BRCA2: variants seen among roughly 807,000 people sequenced by gnomAD.
BRCA2 encodes the protein BRCA2 DNA repair associated.
In BRCA2, 203 loss-of-function variants were observed where a neutral mutation model predicts 276.7. That is an observed-to-expected ratio of 0.73 (90% CI 0.65 to 0.82). The LOEUF is 0.82. Ranked by LOEUF, BRCA2 falls within the 40% of genes least tolerant of loss-of-function variation. The pLI, the probability that BRCA2 is intolerant of heterozygous loss-of-function variation, is 0.00. For synonymous variants in BRCA2, 1,289 were observed against 1,338.4 expected, an observed-to-expected ratio of 0.96 and a Z score of 0.81; for missense variants, 3,920 against 3,915.0, an observed-to-expected ratio of 1.00 and a Z score of -0.03.
rs1289414853 is a variant in BRCA2, at chr13:32,363,252, A to G, written c.8050A>G (p.Lys2684Glu). The change falls in exon 18 of 27, where the codon AAA (lysine) becomes GAA (glutamate). Residue 2684 changes from lysine (K) to glutamate (E), a missense_variant. Physicochemically the swap from Lys to Glu is moderately conservative, Grantham distance 56. This residue lies in a region of BRCA2 where 3,263 missense variants were observed against 3,156.9 expected (regional missense o/e 1.03). Transcript: ENST00000380152. ...AATGGAAAGGGATGACACAGCTGCA[A>G]AAACACTTGTTCTCTGTGTTTCTGA... ...KIMERDDTAA[K>E]TLVLCVSDII... 1.9e-6 allele frequency: 3 copies of G among 1,613,994 alleles called. No homozygotes were observed. The highest frequency in any genetic ancestry group is 1.7e-5 in the Admixed American group (1 of 59,994).
Position 32,337,507 on chromosome 13 carries a change from T to C in BRCA2, c.3152T>C (p.Leu1051Ser), listed in dbSNP as rs778281493. 4 of 1,607,532 alleles carry C rather than the reference T, an allele frequency of 2.5e-6. No individual in the cohort carries two copies. Among genetic ancestry groups the C allele is most frequent in the Non-Finnish European group, 2.5e-6 (3 of 1,176,894 alleles). ...SLACVEIVNT[L>S]ALDNQKKLSK... ...GCTTGTGTTGAAATTGTAAATACCT[T>C]GGCATTAGATAATCAAAAGAAACTG... Residue 1051 changes from leucine (L) to serine (S), a missense_variant, in exon 11 of 27, where the codon TTG becomes TCG. Around this residue, in one of 2 missense-constraint regions of BRCA2, gnomAD observed 3,263 missense variants for 3,156.9 expected, o/e 1.03. Transcript: ENST00000380152.
Position 32,340,231 on chromosome 13 carries a change from A to C in BRCA2, c.5876A>C (p.Lys1959Thr). 1 of 1,613,996 alleles carries C rather than the reference A, an allele frequency of 6.2e-7. No homozygotes were observed. Among genetic ancestry groups the C allele is most frequent in the Non-Finnish European group, 8.5e-7 (1 of 1,179,910 alleles). The part of the protein sequence containing the change: ...DVSLETSDIC[K>T]CSIGKLHKSV... ...AGTTTGGAAACTTCAGATATATGTA[A>C]ATGTAGTATAGGGAAGCTTCATAAG... The change falls in exon 11 of 27, where the codon AAA becomes ACA. Residue 1959 changes from lysine (K) to threonine (T), a missense_variant. Lys to Thr is a moderately conservative substitution (Grantham distance 78). Around this residue, in one of 2 missense-constraint regions of BRCA2, gnomAD observed 3,263 missense variants for 3,156.9 expected, o/e 1.03. Transcript: ENST00000380152.
rs398122795 is a variant in BRCA2 at position 32,326,487 on chromosome 13, C to A, written c.517-12C>A. On this transcript the variant is annotated splice_polypyrimidine_tract_variant and intron_variant, in intron 6 of 26. Transcript: ENST00000380152. ...ATTTCTATAAAAAATAAACTATTTT[C>A]TTTCCTCCCAGGGTCGTCAGACACC... 4 of 1,575,734 alleles carry A rather than the reference C, an allele frequency of 2.5e-6. No homozygotes were observed. The East Asian group carries it at 9.0e-5, about 35-fold the overall frequency.
intron 25 of BRCA2, 22 bp downstream of exon 25, chr13:32,394,955 A>G (rs376032606): frequency 7.4e-6 from 12 of 1,613,452 alleles, no homozygotes; most frequent in Non-Finnish European, 1.0e-5. Context: ...TTTCAGCATC[A>G]CCACACATTT....
rs80359122 is a variant in BRCA2 at position 32,376,684 on chromosome 13, C to T, written c.8647C>T (p.Pro2883Ser). The T allele has an allele frequency of 6.2e-6, 10 of 1,613,894 alleles. No individual in the cohort carries two copies. Among genetic ancestry groups the T allele is most frequent in the African/African-American group, 2.7e-5 (2 of 74,878 alleles). ...FEEHEENTTK[P>S]YLPSRALTRQ... is the part of the protein sequence containing the mutation. Reference sequence around the variant, plus strand: ...TGTTTTCTTAGAAAACACAACAAAACCATATTTACCATCACGTGCACTAAC... The same window carrying T: ...TGTTTTCTTAGAAAACACAACAAAATCATATTTACCATCACGTGCACTAAC... Residue 2883 changes from proline to serine, a missense_variant, in exon 21 of 27, where the codon CCA becomes TCA. Transcript: ENST00000380152.
At position 32,340,032 on chromosome 13, in the gene BRCA2, T is replaced by G. The variant is rs786203261; in HGVS notation, c.5677T>G (p.Cys1893Gly). 6.8e-6 allele frequency: 11 copies of G among 1,613,582 alleles called. No individual in the cohort carries two copies. The highest frequency in any genetic ancestry group is 9.3e-6 in the Non-Finnish European group (11 of 1,179,834). Residue 1893 changes from cysteine (C) to glycine (G), a missense_variant, in exon 11 of 27, where the codon TGT (cysteine) becomes GGT (glycine). This residue lies in a region of BRCA2 where 3,263 missense variants were observed against 3,156.9 expected (regional missense o/e 1.03). Transcript: ENST00000380152. ...TTGCCAAACGAAAATTATGGCAGGT[T>G]GTTACGAGGCATTGGATGATTCAGA... ...KICQTKIMAGCYEALDDSEDI... is the reference protein window; with the variant it reads ...KICQTKIMAGGYEALDDSEDI...
In BRCA2 at chr13:32,338,517, AC is replaced by A; in HGVS notation, c.4163del (p.Thr1388IlefsTer22). The A allele has an allele frequency of 3.7e-6, 6 of 1,603,908 alleles. No individual in the cohort carries two copies. Among genetic ancestry groups the A allele is most frequent in the Non-Finnish European group, 3.4e-6 (4 of 1,177,300 alleles). On this transcript the variant is annotated frameshift_variant, in exon 11 of 27. Transcript: ENST00000380152. LOFTEE classifies it high-confidence loss of function. ...TQIKEDLSDLTFLEVAKAQEA... is the reference protein window; with the variant it reads ...TQIKEDLSDLXFLEVAKAQEA... ...GATTAAAGAAGATTTGTCAGATTTA[AC>A]TTTTTTGGAAGTTGCGAAAGCTCAA...
chr13:32,377,919 A>G (rs755754384), intron 21 of BRCA2, among the ~76,000 whole-genome samples: 16 of 152,204 alleles, frequency 1.1e-4, no homozygotes, highest in Non-Finnish European at 2.4e-4. Context: ...ACAATATTTC[A>G]TCAGTAATGT....
At chr13:32,363,611 A>G (rs2072762173) in intron 18 of BRCA2, 78 bp downstream of exon 18, 2 of 1,288,490 alleles carry the variant, frequency 1.6e-6, no homozygotes, top group Non-Finnish European at 2.2e-6. Flanking sequence ...TAAATTTTAA[A>G]TGCTTACTAA....
chr13:32,354,773 A>T (rs912492543), intron 13 of BRCA2, 88 bp from the exon 14 acceptor site: 3 of 918,264 alleles, frequency 3.3e-6, no homozygotes, highest in Non-Finnish European at 5.3e-6. Flanking sequence ...ATCACCATGT[A>T]GCAAATGAGG....
intron 8 of BRCA2, among the ~76,000 whole-genome samples, chr13:32,330,355 A>T (rs1001005352): frequency 4.6e-5 from 7 of 152,218 alleles, no homozygotes; most frequent in Admixed American, 4.6e-4. Context: ...CTTACCATAG[A>T]TGTCGCAGTA....
At position 32,370,448 on chromosome 13, in the gene BRCA2, G is replaced by A. The variant is rs80359083; in HGVS notation, c.8378G>A (p.Gly2793Glu). The A allele has an allele frequency of 6.2e-7, 1 of 1,613,910 alleles. No individual in the cohort carries two copies. The change falls in exon 19 of 27, where the codon GGA becomes GAA. Residue 2793 changes from glycine (G) to glutamate (E), a missense_variant. By Grantham distance (98) the Gly-to-Glu change is moderately conservative. This residue lies in a region of BRCA2 where 657 missense variants were observed against 758.2 expected (regional missense o/e 0.87). Coordinates refer to ENST00000380152, the MANE Select transcript of BRCA2 (RefSeq NM_000059.4). ...CCTGCTCGCTGGTATACCAAACTTGGATTCTTTCCTGACCCTAGACCTTTT... is the reference window on the plus strand; with the variant it reads ...CCTGCTCGCTGGTATACCAAACTTGAATTCTTTCCTGACCCTAGACCTTTT... ...TRPARWYTKL[G>E]FFPDPRPFPL...
intron 9 of BRCA2, 116 bp downstream of exon 9, chr13:32,331,146 C>T: frequency 1.4e-6 from 1 of 734,976 alleles, no homozygotes. Context: ...GCAACCTCTG[C>T]CTCCCGTGCT....
intron 20 of BRCA2, 150 bp downstream of exon 20, chr13:32,371,250 G>T: frequency 7.4e-6 from 6 of 815,048 alleles, no homozygotes; most frequent in Non-Finnish European, 1.1e-5. Context: ...TTCTTTTTTG[G>T]TGTTAGACAA....
At chr13:32,390,071 C>G (rs942038774) in intron 24 of BRCA2, among the ~76,000 whole-genome samples, 2 of 152,074 alleles carry the variant, frequency 1.3e-5, no homozygotes, top group Non-Finnish European at 2.9e-5. Context: ...GTGAATGTTT[C>G]CTTTTTAAAA....
rs1386205822 is a variant in BRCA2, at chr13:32,333,237, A to G, written c.1759A>G (p.Thr587Ala). The stretch of plus-strand genomic sequence containing the variant: ...TTTAATATCCACTTTGAAAAAGAAA[A>G]CAAATAAGTTTATTTATGCTATACA... ...AGLISTLKKK[T>A]NKFIYAIHDE... Residue 587 changes from threonine (T) to alanine (A), a missense_variant, in exon 10 of 27, where the codon ACA (threonine) becomes GCA (alanine). Transcript: ENST00000380152. The G allele has an allele frequency of 1.9e-6, 3 of 1,612,768 alleles. No individual in the cohort carries two copies. Among genetic ancestry groups the G allele is most frequent in the East Asian group, 2.2e-5 (1 of 44,864 alleles).
chr13:32,326,041 T>A, intron 4 of BRCA2, 60 bp from the exon 5 acceptor site: 1 of 1,407,778 alleles, frequency 7.1e-7, no homozygotes, highest in South Asian at 1.2e-5. Context: ...AAAAATAAGA[T>A]AAACTAGTTT....
Position 32,336,324 on chromosome 13 carries a change from T to C in BRCA2, c.1969T>C (p.Leu657=), listed in dbSNP as rs2137482255. The C allele has an allele frequency of 6.2e-7, 1 of 1,603,876 alleles. No homozygotes were observed. The highest frequency in any genetic ancestry group is 8.5e-7 in the Non-Finnish European group (1 of 1,175,560). The stretch of plus-strand genomic sequence containing the variant: ...ACAGAATGATTCTGAAGAACCAACT[T>C]TGTCCTTAACTAGCTCTTTTGGGAC... The part of the protein sequence containing the change: ...CSQNDSEEPT[L]SLTSSFGTIL... The change falls in exon 11 of 27, where the codon TTG becomes CTG. Residue 657 remains leucine (L), a synonymous_variant. Transcript: ENST00000380152.
upstream of BRCA2, among the ~76,000 whole-genome samples, chr13:32,315,164 C>A (rs2072241207): frequency 6.6e-6 from 1 of 152,088 alleles, no homozygotes. Context: ...AAAGGTATTT[C>A]ATAGGTCCCA....
Sources: gnomAD v4.1 joint callset for allele counts (sites outside exome capture counted in the v4.1 genomes callset) on GRCh38, gnomAD v4.1.1 for gene constraint, gnomAD v4.1.1 regional missense constraint, MANE v1.5 for transcripts, NCBI Gene and HGNC (gene_info 2026-07-23, HGNC 2026-07-21) for gene names.